ARHGEF3: variants seen among roughly 807,000 people sequenced by gnomAD.
ARHGEF3 encodes Rho guanine nucleotide exchange factor 3, also known as 59.8 kDA protein.
In ARHGEF3, 28 loss-of-function variants were observed where a neutral mutation model predicts 63.2. That is an observed-to-expected ratio of 0.44 (90% CI 0.33 to 0.61). ARHGEF3 has a LOEUF of 0.61. Among genes scored for constraint, ARHGEF3 ranks in the 20% least tolerant of loss-of-function variants. The pLI is 0.03. For synonymous variants in ARHGEF3, 266 were observed against 254.2 expected (o/e 1.05, Z -0.44); for missense variants, 533 against 659.3 (o/e 0.81, Z 2.10).
At chr3:56,740,255 C>T (rs986931979) in intron 7 of ARHGEF3, among the ~76,000 whole-genome samples, 4 of 140,674 alleles carry the variant, frequency 2.8e-5, no homozygotes, top group African/African-American at 1.1e-4. Flanking sequence ...GGTGGTAGCA[C>T]TCACTACTTT....
chr3:57,014,855 T>C (rs1454505651), intron 2 of ARHGEF3, among the ~76,000 whole-genome samples: 1 of 152,114 alleles, frequency 6.6e-6, no homozygotes, highest in Non-Finnish European at 1.5e-5. Flanking sequence ...TAATTTATTT[T>C]TTTGTATTTT....
chr3:56,919,434 T>G (rs780701310), intron 3 of ARHGEF3, among the ~76,000 whole-genome samples: 8 of 152,224 alleles, frequency 5.3e-5, no homozygotes, highest in Non-Finnish European at 1.0e-4. Context: ...ACTTGCTTCT[T>G]TTTTCATTTA....
chr3:57,060,080 G>A lies in ARHGEF3; in HGVS notation c.-28+19146C>T, dbSNP rs1579190076. Among the ~76,000 whole-genome samples, 4 of 152,298 alleles carry A rather than the reference G, an allele frequency of 2.6e-5. No homozygotes were observed. The South Asian group carries it at 8.3e-4, about 32-fold the overall frequency. ...CACACCTGTAATCCCAGCACTTTGG[G>A]AGGCCAAGGCGGGAGGATCACTTGA... On this transcript the variant is annotated intron_variant, in intron 1 of 12. Transcript: ENST00000338458.
intron 2 of ARHGEF3, among the ~76,000 whole-genome samples, chr3:56,992,375 TAAAAAAAAAAAAAAAAAAA>T (rs57740672): frequency 5.7e-3 from 261 of 46,162 alleles, no homozygotes; most frequent in African/African-American, 9.3e-3. Context: ...AGGATGGCTT[TAAAAAAAAAAAAAAAAAAA>T]AAAAAAAAAA....
intron 1 of ARHGEF3, among the ~76,000 whole-genome samples, chr3:56,774,175 C>G (rs979331897): frequency 2.1e-4 from 32 of 152,172 alleles, no homozygotes; most frequent in African/African-American, 7.5e-4. Flanking sequence ...GATTTCTCAC[C>G]CAATGACCTT....
At chr3:56,903,983 C>T (rs2041606501) in intron 3 of ARHGEF3, among the ~76,000 whole-genome samples, 1 of 152,022 alleles carries the variant, frequency 6.6e-6, no homozygotes, top group Non-Finnish European at 1.5e-5. Flanking sequence ...CCTGCCTCAG[C>T]CTCCCAAGTA....
At chr3:56,888,732 G>A (rs145913532) in intron 3 of ARHGEF3, among the ~76,000 whole-genome samples, 4 of 152,014 alleles carry the variant, frequency 2.6e-5, no homozygotes, top group African/African-American at 9.6e-5. Flanking sequence ...GTGAAACCCC[G>A]TCTCTACTAA....
Position 56,992,024 on chromosome 3 carries a change from C to G in ARHGEF3, c.63-33135G>C, listed in dbSNP as rs959297196. 9.9e-5 allele frequency among the ~76,000 whole-genome samples: 13 copies of G among 131,632 alleles called. 1 individual carries two copies. Among genetic ancestry groups the G allele is most frequent in the African/African-American group, 1.7e-4 (6 of 34,356 alleles). 86.4% of individuals were successfully genotyped at this position (131,632 alleles called of 152,430 possible). The stretch of plus-strand genomic sequence containing the variant: ...TCTCACTCTCTCTCCCCTCCTCTCT[C>G]TGTGTGTGTGTGTGTGTGTGTGTGT... On this transcript the variant is annotated intron_variant, in intron 2 of 12. Coordinates refer to the ARHGEF3 transcript ENST00000338458.
chr3:56,987,415 C>A (rs1211878514), intron 2 of ARHGEF3, among the ~76,000 whole-genome samples: 1 of 152,182 alleles, frequency 6.6e-6, no homozygotes, highest in Non-Finnish European at 1.5e-5. Context: ...CTGGGCTGAG[C>A]TCTGGGCAAT....
intron 1 of ARHGEF3, among the ~76,000 whole-genome samples, chr3:56,797,231 T>C (rs1203084899): frequency 6.6e-6 from 1 of 152,192 alleles, no homozygotes; most frequent in Non-Finnish European, 1.5e-5. Flanking sequence ...ACTCAGGCAG[T>C]CTTATTCTAG....
At chr3:56,934,344 G>A (rs2042492187) in intron 3 of ARHGEF3, among the ~76,000 whole-genome samples, 1 of 152,238 alleles carries the variant, frequency 6.6e-6, no homozygotes, top group African/African-American at 2.4e-5. Flanking sequence ...CACCTCCTCT[G>A]CCTGGGCTCC....
intron 2 of ARHGEF3, among the ~76,000 whole-genome samples, chr3:56,974,791 C>T (rs935370360): frequency 2.6e-4 from 39 of 152,162 alleles, no homozygotes; most frequent in African/African-American, 8.9e-4. Flanking sequence ...GCCTCACGTC[C>T]CTCCGGAAAG....
rs536155539 is a variant in ARHGEF3, at chr3:56,770,931, G to A, written c.204+2778C>T. Among the ~76,000 whole-genome samples, 36 of 152,200 alleles carry A rather than the reference G, an allele frequency of 2.4e-4. No homozygotes were observed. The South Asian group carries it at 7.5e-3, about 32-fold the overall frequency. ...GTTTGAGACCAGTCTGGCCAACATG[G>A]AGAAACACCATCTCTACTAAAAATA... is the stretch of plus-strand genomic sequence containing the variant. On this transcript the variant is annotated intron_variant, in intron 2 of 9. Transcript: ENST00000296315.
intron 1 of ARHGEF3, among the ~76,000 whole-genome samples, chr3:57,062,154 A>G (rs1705255221): frequency 1.1e-5 from 1 of 87,012 alleles, no homozygotes; most frequent in Non-Finnish European, 2.3e-5. Flanking sequence ...ATTTGTAGGA[A>G]GATCCCTGGA....
chr3:56,839,283 A>G (rs1450276296), intron 4 of ARHGEF3, among the ~76,000 whole-genome samples: 4 of 152,104 alleles, frequency 2.6e-5, no homozygotes, highest in African/African-American at 9.7e-5. Flanking sequence ...GTATTAGTAT[A>G]TGAGTATTTG....
intron 3 of ARHGEF3, among the ~76,000 whole-genome samples, chr3:56,931,953 T>G (rs2042423123): frequency 6.6e-6 from 1 of 151,952 alleles, no homozygotes; most frequent in Admixed American, 6.6e-5. Flanking sequence ...ATTTATGGGG[T>G]TTTTTTGTTG....
intron 4 of ARHGEF3, among the ~76,000 whole-genome samples, chr3:56,839,682 C>T (rs751731951): frequency 1.2e-4 from 18 of 152,256 alleles, no homozygotes; most frequent in South Asian, 2.1e-4. Context: ...CTACACTCTG[C>T]GCCCTATCCC....
chr3:56,928,506 T>C (rs1453025404), intron 3 of ARHGEF3, among the ~76,000 whole-genome samples: 1 of 152,172 alleles, frequency 6.6e-6, no homozygotes, highest in African/African-American at 2.4e-5. Flanking sequence ...GCTGCTTATT[T>C]TGCAGCAGGA....
intron 4 of ARHGEF3, among the ~76,000 whole-genome samples, chr3:56,872,451 C>T (rs530129886): frequency 4.9e-4 from 74 of 152,216 alleles, no homozygotes; most frequent in African/African-American, 1.8e-3. Context: ...CATGCTGTTT[C>T]CAGTTTTAGC....
Sources: allele counts gnomAD v4.1 joint callset (sites outside exome capture counted in the v4.1 genomes callset), GRCh38; gene constraint gnomAD v4.1.1; transcripts MANE v1.5; gene names NCBI Gene and HGNC (gene_info 2026-07-23, HGNC 2026-07-21).